The following SLC8B1 variants were observed in gnomAD, a reference collection of about 807,000 sequenced individuals.
The protein encoded by SLC8B1 is solute carrier family 8 member B1.
SLC8B1 carries 52 observed loss-of-function variants against 63.4 expected under a neutral mutation model. The observed-to-expected ratio is 0.82, with a 90% CI of 0.66 to 1.03. The LOEUF is 1.03. Ranked by LOEUF, SLC8B1 falls within the 50% of genes least tolerant of loss-of-function variation. The probability of loss-of-function intolerance (pLI) is 0.00; values close to 1 mark genes in which losing one functional copy is unlikely to be tolerated. For synonymous variants in SLC8B1, 336 were observed against 323.9 expected, an observed-to-expected ratio of 1.04 and a Z score of -0.40; for missense variants, 657 against 741.7, an observed-to-expected ratio of 0.89 and a Z score of 1.33.
intron 15 of SLC8B1, among the ~76,000 whole-genome samples, chr12:113,302,986 G>A (rs1327171338): frequency 2.7e-5 from 4 of 150,302 alleles, no homozygotes; most frequent in Non-Finnish European, 5.9e-5. Flanking sequence ...CCTAAACTCA[G>A]CACAAAGGTG....
At chr12:113,333,575 G>A (rs1957087252) in intron 1 of SLC8B1, among the ~76,000 whole-genome samples, 1 of 152,202 alleles carries the variant, frequency 6.6e-6, no homozygotes, top group South Asian at 2.1e-4. Context: ...GGCACAGACA[G>A]GTGAAGCCAG....
chr12:113,300,022 C>A lies in SLC8B1; in HGVS notation c.1558-48G>T, dbSNP rs919902337. The A allele has an allele frequency of 3.8e-6, 6 of 1,567,272 alleles. No individual in the cohort carries two copies. In the African/African-American group the frequency reaches 8.1e-5, roughly 21 times the overall value. Reference sequence around the variant, plus strand: ...AGGCTGAGTCACTGCCCGTCACAGGCCCCGCCCCGTCTGTGGCCAACACAA... The same window carrying A: ...AGGCTGAGTCACTGCCCGTCACAGGACCCGCCCCGTCTGTGGCCAACACAA... On this transcript the variant is annotated intron_variant, in intron 15 of 15. Coordinates refer to ENST00000680972, the MANE Select transcript of SLC8B1 (RefSeq NM_001358345.2).
chr12:113,329,969 C>T (rs1246741818), intron 2 of SLC8B1, among the ~76,000 whole-genome samples: 5 of 152,198 alleles, frequency 3.3e-5, no homozygotes, highest in African/African-American at 1.2e-4. Flanking sequence ...GCTCCTGCCC[C>T]AGGGCCTTTG....
At chr12:113,316,181 G>A (rs528248936) in intron 10 of SLC8B1, among the ~76,000 whole-genome samples, 112 of 150,900 alleles carry the variant, frequency 7.4e-4, no homozygotes, top group African/African-American at 1.9e-3. Flanking sequence ...CCGAGACCGC[G>A]CCACTGCACA....
intron 15 of SLC8B1, among the ~76,000 whole-genome samples, chr12:113,303,798 G>C (rs1366739608): frequency 2.6e-5 from 4 of 152,058 alleles, no homozygotes; most frequent in Admixed American, 2.6e-4. Flanking sequence ...CTTCCGCTGC[G>C]TGCTTATCCA....
chr12:113,324,303 C>A (rs1593257215), intron 2 of SLC8B1, among the ~76,000 whole-genome samples: 1 of 150,566 alleles, frequency 6.6e-6, no homozygotes, highest in East Asian at 1.9e-4. Context: ...ACAGAGCAAG[C>A]CTGTCTCAAA....
intron 2 of SLC8B1, among the ~76,000 whole-genome samples, chr12:113,324,791 C>T (rs1023100591): frequency 3.3e-5 from 5 of 151,948 alleles, no homozygotes; most frequent in Admixed American, 6.6e-5. Flanking sequence ...GCAACCTCCA[C>T]CTCCTGGGTT....
intron 1 of SLC8B1, among the ~76,000 whole-genome samples, 189 bp from the exon 2 acceptor site, chr12:113,333,149 T>A (rs1207822433): frequency 6.6e-6 from 1 of 152,176 alleles, no homozygotes; most frequent in Non-Finnish European, 1.5e-5. Flanking sequence ...AGCGTGCAGA[T>A]CAGATACGCC....
chr12:113,320,862 G>GC lies in SLC8B1; in HGVS notation c.407_408insG (p.His137ProfsTer17). ...GACAAAAGGATACTGCCACGTTGTG[G>GC]GAGAGCTTCAGTGTGGTAGAAATGG... On this transcript the variant is annotated frameshift_variant, in exon 5 of 16. Coordinates refer to ENST00000680972, the MANE Select transcript of SLC8B1 (RefSeq NM_001358345.2). LOFTEE classifies it high-confidence loss of function. This position sits in a 1 kb window ranked among gnomAD's most constrained non-coding sequence, Gnocchi z 5.3. 6.2e-7 allele frequency: 1 copy of GC among 1,605,384 alleles called. No homozygotes were observed. Among genetic ancestry groups the GC allele is most frequent in the Non-Finnish European group, 8.5e-7 (1 of 1,176,948 alleles).
intron 2 of SLC8B1, among the ~76,000 whole-genome samples, chr12:113,330,525 G>A (rs1292844156): frequency 1.3e-5 from 2 of 152,210 alleles, no homozygotes; most frequent in African/African-American, 2.4e-5. Flanking sequence ...ACCTCACGGG[G>A]TTTGGGGGAG....
chr12:113,333,027 G>A, intron 1 of SLC8B1, 67 bp from the exon 2 acceptor site: 1 of 974,742 alleles, frequency 1.0e-6, no homozygotes, highest in Non-Finnish European at 1.5e-6. Flanking sequence ...AAAAGGGGCT[G>A]GAAGACTCTA....
Position 113,321,343 on chromosome 12 carries a change from G to C in SLC8B1, c.162C>G (p.Arg54=). Reference sequence around the variant, plus strand: ...CAGAGACATTCAGGCCACACACCTTGCGGCACTGCAGGAAGACAGGGAGGG... The same window carrying C: ...CAGAGACATTCAGGCCACACACCTTCCGGCACTGCAGGAAGACAGGGAGGG... ...GVNQTPVVDC[R]KVCGLNVSDR... The change falls in exon 3 of 16, where the codon CGC becomes CGG. Residue 54 remains arginine (R), a synonymous_variant. Coordinates refer to ENST00000680972, the MANE Select transcript of SLC8B1 (RefSeq NM_001358345.2). 6.2e-7 allele frequency: 1 copy of C among 1,614,166 alleles called. No homozygotes were observed. The highest frequency in any genetic ancestry group is 8.5e-7 in the Non-Finnish European group (1 of 1,180,026).
At position 113,321,350 on chromosome 12, in the gene SLC8B1, T is replaced by C; in HGVS notation, c.157-2A>G. 2 of 1,614,162 alleles carry C rather than the reference T, an allele frequency of 1.2e-6. No homozygotes were observed. Among genetic ancestry groups the C allele is most frequent in the Non-Finnish European group, 1.7e-6 (2 of 1,180,030 alleles). On this transcript the variant is annotated splice_acceptor_variant, in intron 2 of 15. Transcript: ENST00000680972. LOFTEE classifies it high-confidence loss of function. Reference sequence around the variant, plus strand: ...ATTCAGGCCACACACCTTGCGGCACTGCAGGAAGACAGGGAGGGGGACATC... The same window carrying C: ...ATTCAGGCCACACACCTTGCGGCACCGCAGGAAGACAGGGAGGGGGACATC...
chr12:113,331,386 G>GAAA (rs752575330), intron 2 of SLC8B1, among the ~76,000 whole-genome samples: 2 of 85,846 alleles, frequency 2.3e-5, no homozygotes, highest in Non-Finnish European at 4.7e-5. Context: ...GACTGTTCTC[G>GAAA]AAAAAAAAAA....
rs267603315 is a variant in SLC8B1, at chr12:113,320,407, G to A, written c.618C>T (p.Ile206=). The A allele has an allele frequency of 2.0e-5, 32 of 1,614,024 alleles. No homozygotes were observed. Among genetic ancestry groups the A allele is most frequent in the Non-Finnish European group, 2.6e-5 (31 of 1,180,036 alleles). Residue 206 remains isoleucine, a synonymous_variant, in exon 7 of 16, where the codon ATC becomes ATT. Transcript: ENST00000680972. This position sits in a 1 kb window ranked among gnomAD's most constrained non-coding sequence, Gnocchi z 5.3. The part of the protein sequence containing the change: ...MAASRPFFRD[I]VFYMVAVFLT... ...GGAACACAGCCACCATGTAGAAAAC[G>A]ATGTCCCTGAAGAAGGGCCTGGAGG...
intron 2 of SLC8B1, among the ~76,000 whole-genome samples, chr12:113,323,484 G>A (rs1193143321): frequency 6.6e-6 from 1 of 152,280 alleles, no homozygotes; most frequent in East Asian, 1.9e-4. Context: ...CGAGGTAGGC[G>A]GATCACTTGA....
In SLC8B1 at chr12:113,299,825, G is replaced by A. The variant is rs35785542; in HGVS notation, c.1707C>T (p.Val569=). The change falls in exon 16 of 16, where the codon GTC becomes GTT. Residue 569 remains valine (V), a synonymous_variant. Transcript: ENST00000680972. ...CTCCAAATTCAGTGAGGAGGGCCAC[G>A]ACAAGGAAGTTCAGGTAGAAGAGGA... The part of the protein sequence containing the change: ...CLLLFYLNFL[V]VALLTEFGVI... 97,484 of 1,614,100 alleles carry A rather than the reference G, an allele frequency of 0.06. 3,477 individuals carry two copies. The highest frequency in any genetic ancestry group is 0.067 in the Non-Finnish European group (78,557 of 1,179,970).
At chr12:113,331,522 C>G (rs1247666825) in intron 2 of SLC8B1, among the ~76,000 whole-genome samples, 1 of 152,080 alleles carries the variant, frequency 6.6e-6, no homozygotes, top group African/African-American at 2.4e-5. Context: ...AAAGACTAGA[C>G]TGGCTTGGTC....
rs893844574 is a variant in SLC8B1 at position 113,329,437 on chromosome 12, G to A, written c.156+3286C>T. Among the ~76,000 whole-genome samples, 59 of 152,232 alleles carry A rather than the reference G, an allele frequency of 3.9e-4. 1 individual carries two copies. The highest frequency in any genetic ancestry group is 1.3e-3 in the African/African-American group (53 of 41,524). On this transcript the variant is annotated intron_variant, in intron 2 of 15. Coordinates refer to ENST00000680972, the MANE Select transcript of SLC8B1 (RefSeq NM_001358345.2). ...TCGGGGTCAGCTAGGGAGGATGCAGGGAGTCACCCCATCTCCCTGATGGCA... is the reference window on the plus strand; with the variant it reads ...TCGGGGTCAGCTAGGGAGGATGCAGAGAGTCACCCCATCTCCCTGATGGCA...
Sources: gnomAD v4.1 joint callset for allele counts (sites outside exome capture counted in the v4.1 genomes callset) on GRCh38, gnomAD v4.1.1 for gene constraint, Gnocchi (gnomAD v3.1) non-coding constraint, MANE v1.5 for transcripts, NCBI Gene and HGNC (gene_info 2026-07-23, HGNC 2026-07-21) for gene names.